The following UFSP2 variants were observed in gnomAD, a reference collection of about 807,000 sequenced individuals.
The protein encoded by UFSP2 is ufm1-specific protease 2.
Under a neutral mutation model 60.2 loss-of-function variants are expected in UFSP2, and 43 were observed. The observed-to-expected ratio is 0.71, with a 90% CI of 0.56 to 0.92. UFSP2 has a LOEUF of 0.92. UFSP2 is among the 40% of genes least tolerant of loss of function. UFSP2 has a pLI of 0.00. For synonymous variants in UFSP2, 183 were observed against 195.1 expected, an observed-to-expected ratio of 0.94 and a Z score of 0.52; for missense variants, 520 against 575.0, an observed-to-expected ratio of 0.90 and a Z score of 0.98.
chr4:185,408,441 T>C lies in UFSP2; in HGVS notation c.832-6A>G, dbSNP rs2095524024. 1 of 1,612,030 alleles carries C rather than the reference T, an allele frequency of 6.2e-7. No homozygotes were observed. The highest frequency in any genetic ancestry group is 8.5e-7 in the Non-Finnish European group (1 of 1,178,750). ...ATGCCCTGGACCACATAAATCTATA[T>C]ACAGAGAAGAAACACAGTAAAATAT... On this transcript the variant is annotated splice_region_variant and splice_polypyrimidine_tract_variant and intron_variant, in intron 7 of 11. Coordinates refer to ENST00000264689, the MANE Select transcript of UFSP2 (RefSeq NM_018359.5).
chr4:185,415,031 G>T, intron 6 of UFSP2, 124 bp downstream of exon 6: 1 of 793,898 alleles, frequency 1.3e-6, no homozygotes, highest in Non-Finnish European at 1.9e-6. Context: ...AAAATGAATA[G>T]TCTAAATTCC....
At chr4:185,421,247 T>C (rs2095548834) in intron 2 of UFSP2, among the ~76,000 whole-genome samples, 4 of 152,212 alleles carry the variant, frequency 2.6e-5, no homozygotes, top group Admixed American at 2.6e-4. Flanking sequence ...AAGAATATTC[T>C]GCACCCTCTC....
chr4:185,412,675 G>A (rs1434629049), intron 7 of UFSP2, among the ~76,000 whole-genome samples: 1 of 152,046 alleles, frequency 6.6e-6, no homozygotes, highest in Non-Finnish European at 1.5e-5. Flanking sequence ...GGTATGAGGT[G>A]GAGCAGACAG....
chr4:185,411,095 T>C (rs2095528496), intron 7 of UFSP2, among the ~76,000 whole-genome samples: 1 of 145,848 alleles, frequency 6.9e-6, no homozygotes, highest in Non-Finnish European at 1.5e-5. Flanking sequence ...GAAGTTATAA[T>C]AGAGGGGGCC....
chr4:185,403,849 C>A (rs927658401), intron 10 of UFSP2, among the ~76,000 whole-genome samples: 2 of 151,136 alleles, frequency 1.3e-5, no homozygotes, highest in Admixed American at 1.3e-4. Flanking sequence ...TGGTGGCAGG[C>A]GCCTGTAGTC....
At chr4:185,416,622 A>G (rs2095539188) in intron 4 of UFSP2, among the ~76,000 whole-genome samples, 1 of 152,134 alleles carries the variant, frequency 6.6e-6, no homozygotes, top group African/African-American at 2.4e-5. Flanking sequence ...GTGTGTGGAT[A>G]GTATAAAAGT....
At chr4:185,406,638 C>T (rs1273407119) in intron 9 of UFSP2, among the ~76,000 whole-genome samples, 3 of 151,832 alleles carry the variant, frequency 2.0e-5, no homozygotes, top group Non-Finnish European at 2.9e-5. Flanking sequence ...TGGAGTGGCG[C>T]GATCTCAGCT....
At chr4:185,410,510 G>T (rs970282742) in intron 7 of UFSP2, among the ~76,000 whole-genome samples, 2 of 151,932 alleles carry the variant, frequency 1.3e-5, no homozygotes, top group Non-Finnish European at 2.9e-5. Context: ...TTAGCCAGGC[G>T]TATGGCTATT....
chr4:185,411,770 A>T (rs1381945739), intron 7 of UFSP2, among the ~76,000 whole-genome samples: 1 of 152,220 alleles, frequency 6.6e-6, no homozygotes, highest in Non-Finnish European at 1.5e-5. Flanking sequence ...ACAGCAAAAA[A>T]ACTTGGAAAA....
chr4:185,408,234 T>C (rs372953088), intron 8 of UFSP2, 37 bp downstream of exon 8: 11 of 1,602,386 alleles, frequency 6.9e-6, no homozygotes, highest in African/African-American at 1.3e-5. Flanking sequence ...TAATGAAACA[T>C]ACAGTTGATT....
rs1487699404 is a variant in UFSP2, at chr4:185,415,718, T to C, written c.483A>G (p.Thr161=). ...DAVISVAPEE[T]WGKVRKLLVD... ...ACTATAAAAATACTTACTTTCCCCA[T>C]GTTTCTTCTGGAGCAACAGATATAA... Residue 161 remains threonine, a synonymous_variant, in exon 5 of 12, where the codon ACA becomes ACG. Transcript: ENST00000264689. The C allele has an allele frequency of 1.9e-6, 3 of 1,608,456 alleles. No homozygotes were observed. The highest frequency in any genetic ancestry group is 2.5e-6 in the Non-Finnish European group (3 of 1,177,996).
chr4:185,422,566 A>C lies in UFSP2; in HGVS notation c.4-3T>G. ...ATATCCATACTTTCTGAAATCACCT[A>C]GAACAAATAAAGATAAAGACAAACT... On this transcript the variant is annotated splice_region_variant and splice_polypyrimidine_tract_variant and intron_variant, in intron 1 of 11. Transcript: ENST00000264689. 6.3e-7 allele frequency: 1 copy of C among 1,589,786 alleles called. No individual in the cohort carries two copies.
chr4:185,410,945 C>CAAAAAA (rs374020176), intron 7 of UFSP2, among the ~76,000 whole-genome samples: 8 of 113,436 alleles, frequency 7.1e-5, no homozygotes, highest in South Asian at 2.8e-4. Context: ...GACTCCATCT[C>CAAAAAA]AAAAAAAAAA....
At chr4:185,408,910 A>G (rs986777225) in intron 7 of UFSP2, among the ~76,000 whole-genome samples, 3 of 152,102 alleles carry the variant, frequency 2.0e-5, no homozygotes, top group African/African-American at 7.2e-5. Flanking sequence ...CTCACCTGTC[A>G]TCTCTGTCCT....
Position 185,410,377 on chromosome 4 carries a change from C to T in UFSP2, c.832-1942G>A, listed in dbSNP as rs113031574. 4.6e-5 allele frequency among the ~76,000 whole-genome samples: 7 copies of T among 152,302 alleles called. No individual in the cohort carries two copies. The South Asian group carries it at 1.0e-3, about 23-fold the overall frequency. ...AGAAAATAAGAAAGCTGTCCAGGCA[C>T]GGTGGCTCATGCCTGTAATCCCAGC... On this transcript the variant is annotated intron_variant, in intron 7 of 11. Coordinates refer to ENST00000264689, the MANE Select transcript of UFSP2 (RefSeq NM_018359.5).
chr4:185,418,366 T>A (rs1226436136), intron 4 of UFSP2, 75 bp downstream of exon 4: 1 of 1,150,204 alleles, frequency 8.7e-7, no homozygotes, highest in Non-Finnish European at 1.2e-6. Flanking sequence ...GTTAAATTAT[T>A]TCTAAGATTG....
At position 185,422,465 on chromosome 4, in the gene UFSP2, G is replaced by C; in HGVS notation, c.82+20C>G. On this transcript the variant is annotated intron_variant, in intron 2 of 11. Coordinates refer to ENST00000264689, the MANE Select transcript of UFSP2 (RefSeq NM_018359.5). ...TCACTATCAATTTTCTAATAAAAAA[G>C]AATTTTTCAGAAGACCTACCATTAG... 6.3e-7 allele frequency: 1 copy of C among 1,580,788 alleles called. No individual in the cohort carries two copies. Among genetic ancestry groups the C allele is most frequent in the Non-Finnish European group, 8.6e-7 (1 of 1,162,616 alleles).
intron 4 of UFSP2, 81 bp from the exon 5 acceptor site, chr4:185,415,948 A>C: frequency 8.1e-7 from 1 of 1,229,772 alleles, no homozygotes; most frequent in Non-Finnish European, 1.1e-6. Flanking sequence ...CTTTTCAAAA[A>C]TGTATTTATT....
intron 7 of UFSP2, among the ~76,000 whole-genome samples, chr4:185,409,193 T>C (rs2095525131): frequency 6.6e-6 from 1 of 152,176 alleles, no homozygotes; most frequent in Non-Finnish European, 1.5e-5. Flanking sequence ...ACAGGAAGAA[T>C]GTGTCTAAAT....
Sources: gnomAD v4.1 joint callset for allele counts (sites outside exome capture counted in the v4.1 genomes callset) on GRCh38, gnomAD v4.1.1 for gene constraint, MANE v1.5 for transcripts, NCBI Gene and HGNC (gene_info 2026-07-23, HGNC 2026-07-21) for gene names.